The following PDS5A variants were observed in gnomAD, a reference collection of about 807,000 sequenced individuals.
The protein encoded by PDS5A is sister chromatid cohesion protein PDS5 homolog A.
PDS5A carries 42 observed loss-of-function variants against 167.1 expected under a neutral mutation model. The ratio of observed to expected loss-of-function variants is 0.25; its 90% CI spans 0.20 to 0.33. PDS5A has a LOEUF of 0.33. PDS5A is among the 10% of genes least tolerant of loss of function. The pLI is 1.00. For synonymous variants in PDS5A, 553 were observed against 554.6 expected (o/e 1.00, Z 0.04); for missense variants, 1,033 against 1,605.9 (o/e 0.64, Z 6.10).
chr4:39,972,672 T>C (rs1398777004), intron 2 of PDS5A, among the ~76,000 whole-genome samples: 1 of 141,840 alleles, frequency 7.1e-6, no homozygotes, highest in African/African-American at 2.5e-5. Flanking sequence ...ACCACAACTT[T>C]CCTTTTTTTT....
At chr4:39,911,162 A>C (rs1453830859) in intron 9 of PDS5A, among the ~76,000 whole-genome samples, 1 of 152,120 alleles carries the variant, frequency 6.6e-6, no homozygotes, top group African/African-American at 2.4e-5. Context: ...ATATGAGACA[A>C]ACACTGGGAA....
At chr4:39,838,701 T>C (rs1716666026) in intron 31 of PDS5A, among the ~76,000 whole-genome samples, 1 of 150,342 alleles carries the variant, frequency 6.7e-6, no homozygotes, top group South Asian at 2.1e-4. Context: ...CCAGCCTGGG[T>C]GACAGAGGGA....
At position 39,957,642 on chromosome 4, in the gene PDS5A, C is replaced by T. The variant is rs529703648; in HGVS notation, c.138+18798G>A. 4.0e-5 allele frequency among the ~76,000 whole-genome samples: 6 copies of T among 151,872 alleles called. No homozygotes were observed. In the South Asian group the frequency reaches 8.3e-4, roughly 21 times the overall value. ...CTACTAAAAGTACAAAAAAATTAGC[C>T]GGGCGTGGTGGCGGGCGCCTGTAGT... On this transcript the variant is annotated intron_variant, in intron 2 of 32. Transcript: ENST00000303538.
intron 2 of PDS5A, among the ~76,000 whole-genome samples, chr4:39,943,169 C>T (rs1375202177): frequency 3.7e-5 from 5 of 134,752 alleles, no homozygotes; most frequent in East Asian, 2.2e-4. Context: ...CACACACACA[C>T]GCACGCACAC....
intron 10 of PDS5A, among the ~76,000 whole-genome samples, chr4:39,909,066 A>AAATAAAAT (rs1371317544): frequency 4.7e-5 from 7 of 150,132 alleles, no homozygotes; most frequent in East Asian, 3.9e-4. Flanking sequence ...AAAATAAAAT[A>AAATAAAAT]AAATAAAATA....
chr4:39,828,257 A>G (rs1044124008), intron 32 of PDS5A, among the ~76,000 whole-genome samples: 6 of 152,236 alleles, frequency 3.9e-5, no homozygotes, highest in Non-Finnish European at 8.8e-5. Flanking sequence ...CAAAAATCCG[A>G]TCTAAAAATT....
intron 23 of PDS5A, 140 bp downstream of exon 23, chr4:39,866,721 A>G: frequency 1.5e-6 from 1 of 645,194 alleles, no homozygotes; most frequent in Non-Finnish European, 2.5e-6. Flanking sequence ...AGACAGACAA[A>G]CCCTAAATGA....
At chr4:39,940,887 C>T (rs1260898737) in intron 2 of PDS5A, among the ~76,000 whole-genome samples, 1 of 152,212 alleles carries the variant, frequency 6.6e-6, no homozygotes, top group Non-Finnish European at 1.5e-5. Context: ...CCCAGGCTGA[C>T]TCAAACTTCT....
chr4:39,916,967 T>C, intron 8 of PDS5A, 81 bp downstream of exon 8: 1 of 751,976 alleles, frequency 1.3e-6, no homozygotes, highest in Non-Finnish European at 2.0e-6. Flanking sequence ...TTAAAGGGCA[T>C]GAAAATTGGT....
chr4:39,947,203 C>T (rs1300229667), intron 2 of PDS5A, among the ~76,000 whole-genome samples: 2 of 152,040 alleles, frequency 1.3e-5, no homozygotes, highest in East Asian at 3.9e-4. Context: ...CCTGTAATCC[C>T]AGCAATTTGG....
At chr4:39,913,832 C>G in intron 8 of PDS5A, 106 bp from the exon 9 acceptor site, 1 of 697,924 alleles carries the variant, frequency 1.4e-6, no homozygotes, top group East Asian at 2.5e-5. Flanking sequence ...CTGCTTATAA[C>G]TGTGAGAAGT....
chr4:39,874,911 TCTAA>T (rs1560445710), intron 19 of PDS5A, among the ~76,000 whole-genome samples: 1 of 152,164 alleles, frequency 6.6e-6, no homozygotes, highest in Admixed American at 6.6e-5. Context: ...AATAAAAATA[TCTAA>T]CTATTATGTG....
intron 2 of PDS5A, among the ~76,000 whole-genome samples, chr4:39,929,518 A>ATTATATAT (rs1725770084): frequency 4.4e-5 from 1 of 22,766 alleles, no homozygotes; most frequent in Non-Finnish European, 7.0e-5. Context: ...TACTTAATAA[A>ATTATATAT]CTATATATAT....
intron 32 of PDS5A, among the ~76,000 whole-genome samples, chr4:39,829,490 A>C (rs1025803169): frequency 1.3e-5 from 2 of 151,740 alleles, no homozygotes; most frequent in Non-Finnish European, 2.9e-5. Context: ...CTCTACAAAA[A>C]CACAAAAATT....
At chr4:39,911,824 T>G (rs1027718196) in intron 9 of PDS5A, among the ~76,000 whole-genome samples, 10 of 130,268 alleles carry the variant, frequency 7.7e-5, no homozygotes, top group African/African-American at 2.3e-4. Flanking sequence ...AGAGTGAGAC[T>G]CCGTCTCAAT....
Position 39,869,455 on chromosome 4 carries a change from C to T in PDS5A, c.2444G>A (p.Gly815Asp). ...AGACCACAGTTTTCCATTCTTTTCA[C>T]CTGTTGACTATAGACAATTGAATAA... ...KDLLMNDRST[G>D]EKNGKLWSPD... Residue 815 changes from glycine to aspartate, a missense_variant, in exon 22 of 33, where the codon GGT becomes GAT. Gly to Asp is a moderately conservative substitution (Grantham distance 94, BLOSUM62 -1). Around this residue, in one of 4 missense-constraint regions of PDS5A, gnomAD observed 367 missense variants for 686.7 expected, o/e 0.53. Coordinates refer to ENST00000303538, the MANE Select transcript of PDS5A (RefSeq NM_001100399.2). 1.3e-6 allele frequency: 2 copies of T among 1,591,886 alleles called. No individual in the cohort carries two copies. The highest frequency in any genetic ancestry group is 1.7e-6 in the Non-Finnish European group (2 of 1,159,854).
intron 11 of PDS5A, 99 bp from the exon 12 acceptor site, chr4:39,904,290 T>G (rs1160494365): frequency 1.5e-6 from 1 of 645,428 alleles, no homozygotes; most frequent in Non-Finnish European, 2.4e-6. Flanking sequence ...GTCTTATGTG[T>G]GCCTTTATAA....
chr4:39,859,727 A>T (rs1718827586), intron 26 of PDS5A, among the ~76,000 whole-genome samples: 1 of 150,772 alleles, frequency 6.6e-6, no homozygotes, highest in African/African-American at 2.4e-5. Flanking sequence ...CTGAGATGAG[A>T]GGAACTAGAT....
chr4:39,952,167 T>C (rs141348984), intron 2 of PDS5A, among the ~76,000 whole-genome samples: 228 of 151,552 alleles, frequency 1.5e-3, no homozygotes, highest in African/African-American at 5.4e-3. Flanking sequence ...CTGTCTCTAC[T>C]AAAAATACAA....
Sources: gnomAD v4.1 joint callset for allele counts (sites outside exome capture counted in the v4.1 genomes callset) on GRCh38, gnomAD v4.1.1 for gene constraint, gnomAD v4.1.1 regional missense constraint, MANE v1.5 for transcripts, NCBI Gene and HGNC (gene_info 2026-07-23, HGNC 2026-07-21) for gene names.